The following FHIT variants were observed in gnomAD, a reference collection of about 807,000 sequenced individuals.
FHIT encodes bis(5'-adenosyl)-triphosphatase.
In FHIT, 19 loss-of-function variants were observed where a neutral mutation model predicts 17.9. The observed-to-expected ratio is 1.06, with a 90% confidence interval of 0.74 to 1.56. FHIT has a LOEUF of 1.56. FHIT is among the 40% of genes most tolerant of loss of function. The probability of loss-of-function intolerance (pLI) is 0.00; values close to 1 mark genes in which losing one functional copy is unlikely to be tolerated. For missense variants in FHIT, 248 were observed against 189.2 expected, an observed-to-expected ratio of 1.31 and a Z score of -1.82; for synonymous variants, 81 against 69.7, an observed-to-expected ratio of 1.16 and a Z score of -0.81.
intron 4 of FHIT, among the ~76,000 whole-genome samples, chr3:60,565,099 T>C (rs2037085452): frequency 6.6e-6 from 1 of 152,190 alleles, no homozygotes; most frequent in Admixed American, 6.5e-5. Flanking sequence ...TTTTTATTGT[T>C]CACATTTTTT....
Position 60,080,693 on chromosome 3 carries a change from T to C in FHIT, c.104-66541A>G, listed in dbSNP as rs750715085. 7 of 151,356 alleles carry C rather than the reference T, an allele frequency of 4.6e-5. No individual in the cohort carries two copies. In the South Asian group the frequency reaches 8.4e-4, roughly 18 times the overall value. 9.4% of individuals were successfully genotyped at this position (151,356 alleles called of 1,614,324 possible). A position where few individuals can be genotyped will look rare whatever the true frequency, so the allele number is the denominator to read the frequency against. On this transcript the variant is annotated intron_variant, in intron 5 of 9. Coordinates refer to ENST00000492590, the MANE Select transcript of FHIT (RefSeq NM_002012.4). ...CATAAAGTCCCCGAGAAAGAAGAAA[T>C]AGGTGAGGATTAGCAACCCTGTAAG...
intron 7 of FHIT, among the ~76,000 whole-genome samples, chr3:59,927,821 G>A (rs549503006): frequency 1.3e-5 from 2 of 152,166 alleles, no homozygotes; most frequent in South Asian, 4.2e-4. Flanking sequence ...GTGGGTTTCA[G>A]AGCAAGCAGG....
At chr3:61,079,484 C>A (rs573864258) in intron 2 of FHIT, among the ~76,000 whole-genome samples, 1 of 151,454 alleles carries the variant, frequency 6.6e-6, no homozygotes, top group Non-Finnish European at 1.5e-5. Flanking sequence ...CTTCACGAAT[C>A]AAAAAAAATG....
At chr3:59,883,512 G>A (rs575282127) in intron 8 of FHIT, among the ~76,000 whole-genome samples, 10 of 152,256 alleles carry the variant, frequency 6.6e-5, no homozygotes, top group South Asian at 4.1e-4. Context: ...TCACTACGAC[G>A]AGAATGGTAT....
chr3:60,331,314 G>T (rs1576487636), intron 5 of FHIT, among the ~76,000 whole-genome samples: 2 of 151,892 alleles, frequency 1.3e-5, no homozygotes, highest in South Asian at 4.2e-4. Flanking sequence ...GTGGATATAG[G>T]TTCCCCTCTC....
At chr3:60,691,631 G>A (rs2040994006) in intron 4 of FHIT, among the ~76,000 whole-genome samples, 1 of 152,114 alleles carries the variant, frequency 6.6e-6, no homozygotes, top group Admixed American at 6.5e-5. Context: ...CTCCCAAAGT[G>A]CTGAGATTAC....
intron 5 of FHIT, among the ~76,000 whole-genome samples, chr3:60,387,822 A>G (rs1701070507): frequency 6.6e-6 from 1 of 152,114 alleles, no homozygotes; most frequent in Admixed American, 6.5e-5. Context: ...TCATGTTGAA[A>G]TCTGATCCCT....
intron 5 of FHIT, among the ~76,000 whole-genome samples, chr3:60,077,823 T>C (rs1050703152): frequency 3.3e-5 from 5 of 151,354 alleles, no homozygotes; most frequent in East Asian, 1.9e-4. Flanking sequence ...GTCAATAAAA[T>C]TGAATTAGAG....
At chr3:59,844,281 C>T (rs1480191998) in intron 8 of FHIT, among the ~76,000 whole-genome samples, 1 of 152,018 alleles carries the variant, frequency 6.6e-6, no homozygotes, top group East Asian at 1.9e-4. Flanking sequence ...AATTTGGATG[C>T]CTTTATTTTT....
At chr3:60,769,157 A>T (rs1472837619) in intron 4 of FHIT, among the ~76,000 whole-genome samples, 1 of 152,078 alleles carries the variant, frequency 6.6e-6, no homozygotes, top group Non-Finnish European at 1.5e-5. Context: ...CCATAGTCTC[A>T]CCTAGTACCC....
At chr3:61,034,085 C>T (rs2033131653) in intron 3 of FHIT, among the ~76,000 whole-genome samples, 1 of 152,078 alleles carries the variant, frequency 6.6e-6, no homozygotes, top group African/African-American at 2.4e-5. Flanking sequence ...AAAGCTGGAC[C>T]CCTTCCTCAC....
intron 5 of FHIT, among the ~76,000 whole-genome samples, chr3:60,474,812 G>A (rs1397013443): frequency 6.6e-6 from 1 of 151,874 alleles, no homozygotes; most frequent in Non-Finnish European, 1.5e-5. Flanking sequence ...TAGTAGAGAC[G>A]AGGTTTCTCC....
chr3:59,944,494 C>G (rs780864509), intron 7 of FHIT, among the ~76,000 whole-genome samples: 16 of 145,514 alleles, frequency 1.1e-4, no homozygotes, highest in Non-Finnish European at 2.1e-4. Context: ...AATATGCTGC[C>G]CTTTATTAAA....
chr3:60,265,271 A>AC (rs11459796), intron 5 of FHIT, among the ~76,000 whole-genome samples: 120,206 of 151,850 alleles, frequency 0.79, 48,217 homozygotes, highest in East Asian at 0.99. Context: ...CATATTTAGC[A>AC]AGCAGGAAAT....
At chr3:59,996,527 G>T (rs955384626) in intron 7 of FHIT, among the ~76,000 whole-genome samples, 1 of 151,980 alleles carries the variant, frequency 6.6e-6, no homozygotes, top group African/African-American at 2.4e-5. Context: ...TGCAGCTTTC[G>T]AATACTTGAA....
intron 7 of FHIT, 137 bp downstream of exon 7, chr3:60,011,234 G>C: frequency 1.4e-6 from 1 of 731,478 alleles, no homozygotes; most frequent in East Asian, 2.6e-5. Context: ...AGGATTTACG[G>C]CTCTAACACT....
At chr3:59,851,309 T>C (rs1321967388) in intron 8 of FHIT, among the ~76,000 whole-genome samples, 4 of 152,350 alleles carry the variant, frequency 2.6e-5, no homozygotes, top group East Asian at 1.9e-4. Flanking sequence ...TAAAATGTAA[T>C]ATTTAATAGA....
intron 5 of FHIT, among the ~76,000 whole-genome samples, chr3:60,482,560 C>T (rs2033658804): frequency 6.6e-6 from 1 of 152,116 alleles, no homozygotes; most frequent in Non-Finnish European, 1.5e-5. Flanking sequence ...AATTGAACAA[C>T]ATGATCCTGA....
At chr3:60,432,917 C>CTTTTTTTTTT (rs5849363) in intron 5 of FHIT, among the ~76,000 whole-genome samples, 1 of 148,786 alleles carries the variant, frequency 6.7e-6, no homozygotes. Flanking sequence ...GAAGAATTGT[C>CTTTTTTTTTT]TTTTTTTTTT....
Sources: gnomAD v4.1 joint callset for allele counts (sites outside exome capture counted in the v4.1 genomes callset) on GRCh38, gnomAD v4.1.1 for gene constraint, MANE v1.5 for transcripts, NCBI Gene and HGNC (gene_info 2026-07-23, HGNC 2026-07-21) for gene names.